The following VTI1A variants were observed in gnomAD, a reference collection of about 807,000 sequenced individuals.
VTI1A encodes the protein vesicle transport through interaction with t-SNAREs 1A.
A neutral mutation model predicts 34.9 loss-of-function variants in VTI1A; 22 were observed. That is an observed-to-expected ratio of 0.63 (90% confidence interval 0.45 to 0.90). The LOEUF (loss-of-function observed/expected upper bound fraction) is 0.90, where lower values mean the gene tolerates loss of function less well. Among genes scored for constraint, VTI1A ranks in the 40% least tolerant of loss-of-function variants. The pLI is 0.00. For synonymous variants in VTI1A, 87 were observed against 97.3 expected (o/e 0.89, Z 0.62); for missense variants, 268 against 275.6 (o/e 0.97, Z 0.20).
the VTI1A span, among the ~76,000 whole-genome samples, chr10:112,830,958 T>C: frequency 6.7e-6 from 1 of 149,028 alleles, no homozygotes; most frequent in Non-Finnish European, 1.5e-5. Context: ...CAGGTGATCC[T>C]CCCACCTCAA....
chr10:112,688,926 C>T (rs1401282444), intron 7 of VTI1A, among the ~76,000 whole-genome samples: 2 of 152,006 alleles, frequency 1.3e-5, no homozygotes, highest in Non-Finnish European at 2.9e-5. Context: ...TATGGAGGCT[C>T]AGGAAAGCCC....
chr10:112,839,895 C>G, the VTI1A span, among the ~76,000 whole-genome samples: 2 of 152,112 alleles, frequency 1.3e-5, no homozygotes, highest in African/African-American at 4.8e-5. Context: ...TGGTGTAGAT[C>G]AGAATGGCCC....
chr10:112,713,485 G>A (rs1054355104), intron 7 of VTI1A, among the ~76,000 whole-genome samples: 4 of 152,142 alleles, frequency 2.6e-5, no homozygotes, highest in East Asian at 1.9e-4. Context: ...TTCTTTTACC[G>A]ATGAGGAAAC....
chr10:112,545,603 T>C (rs1282286294), intron 5 of VTI1A, among the ~76,000 whole-genome samples: 2 of 152,212 alleles, frequency 1.3e-5, no homozygotes, highest in African/African-American at 4.8e-5. Flanking sequence ...CTACCCAAAG[T>C]GGGGTCCAGA....
chr10:112,611,308 A>G (rs532758267), intron 5 of VTI1A, among the ~76,000 whole-genome samples: 1 of 152,254 alleles, frequency 6.6e-6, no homozygotes, highest in South Asian at 2.1e-4. Context: ...TACTCTTTTT[A>G]TTGCCATTGT....
chr10:112,503,998 A>G (rs1270903040), intron 3 of VTI1A, among the ~76,000 whole-genome samples: 3 of 152,270 alleles, frequency 2.0e-5, no homozygotes, highest in Middle Eastern at 3.4e-3. Flanking sequence ...AAACTGCTCC[A>G]TGGTCCAAAA....
At chr10:112,630,578 G>A (rs1369528882) in intron 5 of VTI1A, among the ~76,000 whole-genome samples, 1 of 152,144 alleles carries the variant, frequency 6.6e-6, no homozygotes, top group Admixed American at 6.5e-5. Flanking sequence ...GGCTATAACT[G>A]TATAGTATTA....
At chr10:112,601,628 G>A (rs188059430) in intron 5 of VTI1A, among the ~76,000 whole-genome samples, 1 of 152,032 alleles carries the variant, frequency 6.6e-6, no homozygotes, top group Non-Finnish European at 1.5e-5. Context: ...AGCATGACTG[G>A]CCAGTAAAAC....
In VTI1A at chr10:112,805,447, G is replaced by A. The variant is rs530274305; in HGVS notation, c.561-9843G>A. On this transcript the variant is annotated intron_variant, in intron 7 of 7. Transcript: ENST00000393077. ...TACACTACGAGAACAAAGTTGAGTA[G>A]TTGTGACAGACTGCGTAGTCCCCAA... Among the ~76,000 whole-genome samples the A allele has an allele frequency of 7.9e-5, 12 of 152,326 alleles. No individual in the cohort carries two copies. The South Asian group carries it at 2.5e-3, about 32-fold the overall frequency.
chr10:112,761,354 G>A (rs1008780206), intron 7 of VTI1A, among the ~76,000 whole-genome samples: 2 of 152,098 alleles, frequency 1.3e-5, no homozygotes, highest in African/African-American at 4.8e-5. Context: ...CGGTCTAACA[G>A]CCTTAGGATT....
chr10:112,480,482 C>T (rs865807585), intron 3 of VTI1A, among the ~76,000 whole-genome samples: 1 of 152,032 alleles, frequency 6.6e-6, no homozygotes, highest in South Asian at 2.1e-4. Context: ...TGGGATCGTA[C>T]GTGGAAACAG....
chr10:112,828,226 G>A, the VTI1A span, among the ~76,000 whole-genome samples: 1 of 152,076 alleles, frequency 6.6e-6, no homozygotes, highest in East Asian at 1.9e-4. Context: ...GGTTTTTTGT[G>A]TATGTGCAGA....
intron 5 of VTI1A, chr10:112,548,670 C>G: frequency 2.5e-6 from 3 of 1,190,794 alleles, no homozygotes; most frequent in Non-Finnish European, 3.7e-6. Context: ...GTGACTTTGC[C>G]AGCTCCAGCA....
At chr10:112,699,570 C>T (rs769276133) in intron 7 of VTI1A, among the ~76,000 whole-genome samples, 4 of 152,230 alleles carry the variant, frequency 2.6e-5, no homozygotes, top group Admixed American at 6.5e-5. Flanking sequence ...TGGTGGCTCA[C>T]GCCTATAATC....
intron 7 of VTI1A, among the ~76,000 whole-genome samples, chr10:112,752,911 T>G (rs1007010146): frequency 5.3e-5 from 8 of 152,168 alleles, no homozygotes; most frequent in African/African-American, 1.7e-4. Flanking sequence ...CCTTTTTTTT[T>G]GTATGATAGA....
intron 7 of VTI1A, among the ~76,000 whole-genome samples, chr10:112,716,893 C>T (rs1302808076): frequency 6.6e-6 from 1 of 152,210 alleles, no homozygotes; most frequent in Non-Finnish European, 1.5e-5. Flanking sequence ...AAAGACAAGG[C>T]GGGAGCCAGG....
At chr10:112,691,849 C>T (rs1006101032) in intron 7 of VTI1A, among the ~76,000 whole-genome samples, 1 of 152,132 alleles carries the variant, frequency 6.6e-6, no homozygotes, top group African/African-American at 2.4e-5. Context: ...GGATTCAGAC[C>T]AAAATCTGAA....
chr10:112,641,472 G>T (rs1846571324), intron 5 of VTI1A, among the ~76,000 whole-genome samples: 1 of 152,184 alleles, frequency 6.6e-6, no homozygotes, highest in Non-Finnish European at 1.5e-5. Context: ...ATGACCAGGT[G>T]ATGATGTGCA....
chr10:112,709,196 A>G (rs1374333975), intron 7 of VTI1A, among the ~76,000 whole-genome samples: 1 of 152,122 alleles, frequency 6.6e-6, no homozygotes, highest in Non-Finnish European at 1.5e-5. Context: ...ATTTCTCCCC[A>G]GGAATTGGCT....
Sources: allele counts gnomAD v4.1 joint callset (sites outside exome capture counted in the v4.1 genomes callset), GRCh38; gene constraint gnomAD v4.1.1; transcripts MANE v1.5; gene names NCBI Gene and HGNC (gene_info 2026-07-23, HGNC 2026-07-21).